Variants in CSMD2 observed in about 807,000 individuals in gnomAD.
The protein encoded by CSMD2 is CUB and Sushi multiple domains 2, also known as CUB and sushi domain-containing protein 2.
Under a neutral mutation model 398.5 loss-of-function variants are expected in CSMD2, and 130 were observed. The observed-to-expected ratio is 0.33, with a 90% CI of 0.28 to 0.38. CSMD2 has a LOEUF of 0.38. Ranked by LOEUF, CSMD2 falls within the 10% of genes least tolerant of loss-of-function variation. The probability of loss-of-function intolerance (pLI) is 1.00; values close to 1 mark genes in which losing one functional copy is unlikely to be tolerated. For missense variants in CSMD2, 3,829 were observed against 4,764.9 expected (o/e 0.80, Z 5.78); for synonymous variants, 1,828 against 1,908.5 (o/e 0.96, Z 1.10).
intron 2 of CSMD2, among the ~76,000 whole-genome samples, chr1:34,048,698 C>T (rs1217831311): frequency 6.6e-6 from 1 of 152,214 alleles, no homozygotes; most frequent in African/African-American, 2.4e-5. Flanking sequence ...TTGAGCACCG[C>T]ACCTGGTTTG....
intron 3 of CSMD2, among the ~76,000 whole-genome samples, chr1:34,005,521 C>A (rs1238945615): frequency 6.6e-6 from 1 of 152,202 alleles, no homozygotes; most frequent in African/African-American, 2.4e-5. Context: ...CTGACTAGGG[C>A]AAGGACATCA....
chr1:33,527,818 C>G (rs994786760), intron 64 of CSMD2, among the ~76,000 whole-genome samples: 6 of 151,844 alleles, frequency 4.0e-5, no homozygotes, highest in Non-Finnish European at 7.4e-5. Context: ...CCTGAATGTC[C>G]TCATTGAAAA....
At chr1:33,643,658 T>C (rs993317336) in intron 29 of CSMD2, among the ~76,000 whole-genome samples, 5 of 152,090 alleles carry the variant, frequency 3.3e-5, no homozygotes, top group Admixed American at 3.3e-4. Context: ...AGTTATGAAG[T>C]GATGGAGCCT....
At chr1:34,122,174 C>T (rs1349325991) in intron 1 of CSMD2, among the ~76,000 whole-genome samples, 1 of 151,900 alleles carries the variant, frequency 6.6e-6, no homozygotes, top group Non-Finnish European at 1.5e-5. Context: ...AGTAGGGGGC[C>T]GCTACTGGCA....
intron 1 of CSMD2, among the ~76,000 whole-genome samples, chr1:34,104,179 G>C (rs115939213): frequency 8.7e-4 from 133 of 152,236 alleles, no homozygotes; most frequent in Non-Finnish European, 1.6e-3. Context: ...TGCCGCACTA[G>C]TGAATGTCAT....
chr1:33,583,383 A>C (rs149862816), intron 47 of CSMD2, among the ~76,000 whole-genome samples: 225 of 152,348 alleles, frequency 1.5e-3, no homozygotes, highest in African/African-American at 5.2e-3. Flanking sequence ...ATCTGCTGAC[A>C]TGAACAGGAA....
intron 2 of CSMD2, among the ~76,000 whole-genome samples, chr1:34,076,294 CACAG>C (rs1393831517): frequency 6.6e-6 from 1 of 152,180 alleles, no homozygotes; most frequent in East Asian, 1.9e-4. Context: ...TGCCCAAGTT[CACAG>C]ACATAGAAAG....
At chr1:33,791,177 T>G (rs550222360) in intron 11 of CSMD2, among the ~76,000 whole-genome samples, 60 of 152,354 alleles carry the variant, frequency 3.9e-4, no homozygotes, top group African/African-American at 1.3e-3. Flanking sequence ...GGAGCTAGCC[T>G]TGTTGGGAAG....
In CSMD2 at chr1:33,662,857, G is replaced by A. The variant is rs778421960; in HGVS notation, c.4255+33C>T. On this transcript the variant is annotated intron_variant, in intron 26 of 70. Transcript: ENST00000373381. ...AGGTGGGTGCCATGTGTCAGGACAT[G>A]TGGAGTGGGGCTGGCAGAGGGCACG... is the stretch of plus-strand genomic sequence containing the variant. 7 of 1,597,184 alleles carry A rather than the reference G, an allele frequency of 4.4e-6. No individual in the cohort carries two copies. The East Asian group carries it at 1.3e-4, about 31-fold the overall frequency.
Position 34,162,341 on chromosome 1 carries a change from T to C in CSMD2, c.187+2570A>G, listed in dbSNP as rs1406110027. ...TGGGTGGGTGAGGAGACTCCCCTTTTTCAAACTATTTTATTCATTTATCCA... is the reference window on the plus strand; with the variant it reads ...TGGGTGGGTGAGGAGACTCCCCTTTCTCAAACTATTTTATTCATTTATCCA... On this transcript the variant is annotated intron_variant, in intron 1 of 70. Transcript: ENST00000373381. 2.0e-5 allele frequency among the ~76,000 whole-genome samples: 3 copies of C among 151,936 alleles called. No homozygotes were observed. The East Asian group carries it at 5.8e-4, about 29-fold the overall frequency.
chr1:33,934,767 C>T (rs187032698), intron 4 of CSMD2, among the ~76,000 whole-genome samples: 3 of 149,542 alleles, frequency 2.0e-5, no homozygotes, highest in African/African-American at 4.9e-5. Flanking sequence ...ATGCCAAGGC[C>T]GGAGGATCAT....
chr1:33,722,336 A>C (rs937318694), intron 19 of CSMD2, among the ~76,000 whole-genome samples: 1 of 152,160 alleles, frequency 6.6e-6, no homozygotes, highest in Non-Finnish European at 1.5e-5. Flanking sequence ...CCCTTACAAT[A>C]TATTTTCGAG....
intron 3 of CSMD2, among the ~76,000 whole-genome samples, chr1:33,964,248 A>G (rs1645476436): frequency 6.6e-6 from 1 of 151,738 alleles, no homozygotes; most frequent in Non-Finnish European, 1.5e-5. Flanking sequence ...TAACCTCTCT[A>G]TGTCTCAATG....
intron 3 of CSMD2, among the ~76,000 whole-genome samples, chr1:33,999,840 G>C (rs2148027998): frequency 6.6e-6 from 1 of 152,268 alleles, no homozygotes; most frequent in Admixed American, 6.5e-5. Flanking sequence ...AAGAAGAAAA[G>C]GAAATAGCAT....
At chr1:33,567,162 G>C (rs1413351443) in intron 53 of CSMD2, among the ~76,000 whole-genome samples, 2 of 148,520 alleles carry the variant, frequency 1.3e-5, no homozygotes, top group African/African-American at 4.9e-5. Context: ...ATGTAAAAGG[G>C]GAAATCAATA....
intron 38 of CSMD2, 34 bp downstream of exon 38, chr1:33,617,465 C>T (rs540628431): frequency 6.5e-7 from 1 of 1,528,080 alleles, no homozygotes; most frequent in Non-Finnish European, 9.1e-7. Context: ...TCAGGGGACA[C>T]CTGTTTCCTG....
At chr1:33,750,665 A>G (rs1648097167) in intron 13 of CSMD2, among the ~76,000 whole-genome samples, 1 of 152,238 alleles carries the variant, frequency 6.6e-6, no homozygotes, top group African/African-American at 2.4e-5. Context: ...GCTGGAAAAG[A>G]AAGTCCAGAA....
At chr1:33,949,617 A>G (rs966410217) in intron 3 of CSMD2, among the ~76,000 whole-genome samples, 1 of 152,208 alleles carries the variant, frequency 6.6e-6, no homozygotes, top group African/African-American at 2.4e-5. Flanking sequence ...GCCCTGGCTC[A>G]CCAGCCAGTG....
chr1:33,726,499 TA>T, intron 16 of CSMD2, 47 bp downstream of exon 16: 1 of 1,566,096 alleles, frequency 6.4e-7, no homozygotes, highest in South Asian at 1.2e-5. Flanking sequence ...CGTGGCTCTG[TA>T]AAAATCTCCC....
Sources: gnomAD v4.1 joint callset for allele counts (sites outside exome capture counted in the v4.1 genomes callset) on GRCh38, gnomAD v4.1.1 for gene constraint, MANE v1.5 for transcripts, NCBI Gene and HGNC (gene_info 2026-07-23, HGNC 2026-07-21) for gene names.